The following RASGRF2 variants were observed in gnomAD, a reference collection of about 807,000 sequenced individuals.
The protein encoded by RASGRF2 is Ras protein specific guanine nucleotide releasing factor 2.
In RASGRF2, 76 loss-of-function variants were observed where a neutral mutation model predicts 151.0. The ratio of observed to expected loss-of-function variants is 0.50; its 90% CI spans 0.42 to 0.61. The LOEUF is 0.61. Ranked by LOEUF, RASGRF2 falls within the 20% of genes least tolerant of loss-of-function variation. The probability of loss-of-function intolerance (pLI) is 0.00; values close to 1 mark genes in which losing one functional copy is unlikely to be tolerated. For synonymous variants in RASGRF2, 504 were observed against 566.5 expected, an observed-to-expected ratio of 0.89 and a Z score of 1.57; for missense variants, 1,148 against 1,564.6, an observed-to-expected ratio of 0.73 and a Z score of 4.49.
chr5:81,084,208 C>T (rs1752163471), intron 7 of RASGRF2, among the ~76,000 whole-genome samples: 1 of 152,160 alleles, frequency 6.6e-6, no homozygotes, highest in Non-Finnish European at 1.5e-5. Flanking sequence ...ATTTTCAGTG[C>T]ATTATAAGTA....
intron 17 of RASGRF2, among the ~76,000 whole-genome samples, chr5:81,179,833 GC>G (rs1754871560): frequency 6.6e-6 from 1 of 152,300 alleles, no homozygotes; most frequent in East Asian, 1.9e-4. Context: ...ATAAATTAAT[GC>G]TGACTCAAAT....
intron 12 of RASGRF2, among the ~76,000 whole-genome samples, chr5:81,102,137 A>C (rs565025007): frequency 2.6e-5 from 4 of 152,242 alleles, no homozygotes; most frequent in Non-Finnish European, 5.9e-5. Flanking sequence ...AAGCCATAGC[A>C]GAAAGCTTGT....
In RASGRF2 at chr5:81,093,983, G is replaced by A. The variant is rs1752465956; in HGVS notation, c.1552-313G>A. ...GCTTAAGCCACTTCCTGGTTGGTGA[G>A]TTCAGCCCTTTGCTAAGGTGCATTA... On this transcript the variant is annotated intron_variant, in intron 10 of 26. Coordinates refer to ENST00000265080, the MANE Select transcript of RASGRF2 (RefSeq NM_006909.3). Among the ~76,000 whole-genome samples the A allele has an allele frequency of 2.6e-5, 4 of 152,014 alleles. No individual in the cohort carries two copies. The South Asian group carries it at 8.3e-4, about 31-fold the overall frequency.
chr5:81,136,942 A>G (rs1580350381), intron 17 of RASGRF2, among the ~76,000 whole-genome samples: 1 of 143,526 alleles, frequency 7.0e-6, no homozygotes, highest in Non-Finnish European at 1.5e-5. Flanking sequence ...GTGTTTTTTT[A>G]TGTCTAGCAT....
At chr5:80,990,359 A>G (rs1345133148) in intron 1 of RASGRF2, among the ~76,000 whole-genome samples, 1 of 151,936 alleles carries the variant, frequency 6.6e-6, no homozygotes, top group Non-Finnish European at 1.5e-5. Flanking sequence ...GCCCAATTTC[A>G]TGTCCAACCC....
intron 26 of RASGRF2, among the ~76,000 whole-genome samples, chr5:81,224,678 C>A (rs566033258): frequency 6.6e-6 from 1 of 152,194 alleles, no homozygotes; most frequent in Admixed American, 6.5e-5. Flanking sequence ...TATGGTATAT[C>A]TCTACAATGG....
chr5:81,033,788 A>T (rs138421725), intron 1 of RASGRF2, among the ~76,000 whole-genome samples: 12,366 of 152,300 alleles, frequency 0.081, 723 homozygotes, highest in East Asian at 0.16. Context: ...AAAAGCCAAA[A>T]TTGACAAATG....
rs571048407 is a variant in RASGRF2, at chr5:81,034,687, A to G, written c.289-8190A>G. On this transcript the variant is annotated intron_variant, in intron 1 of 26. Transcript: ENST00000265080. Reference sequence around the variant, plus strand: ...AATTGGAAATCATCATTCTCAGTAAACTATCGCAAGAACAAAAAACCAAAC... The same window carrying G: ...AATTGGAAATCATCATTCTCAGTAAGCTATCGCAAGAACAAAAAACCAAAC... Among the ~76,000 whole-genome samples the G allele has an allele frequency of 3.3e-5, 5 of 151,390 alleles. No individual in the cohort carries two copies. The East Asian group carries it at 9.7e-4, about 29-fold the overall frequency.
intron 23 of RASGRF2, among the ~76,000 whole-genome samples, chr5:81,213,774 G>T (rs1265667951): frequency 6.6e-6 from 1 of 151,896 alleles, no homozygotes; most frequent in African/African-American, 2.4e-5. Flanking sequence ...CCCAAATTTG[G>T]CCCCTTAGAA....
At chr5:81,113,218 T>C (rs1753050424) in intron 14 of RASGRF2, among the ~76,000 whole-genome samples, 1 of 150,778 alleles carries the variant, frequency 6.6e-6, no homozygotes, top group African/African-American at 2.4e-5. Flanking sequence ...GTGGGGAGGG[T>C]GTCTTGTTAA....
intron 1 of RASGRF2, among the ~76,000 whole-genome samples, chr5:81,020,523 G>A (rs1317158881): frequency 6.6e-6 from 1 of 152,160 alleles, no homozygotes; most frequent in Non-Finnish European, 1.5e-5. Flanking sequence ...AGGGCTTTCT[G>A]TGTGCCTGGC....
chr5:81,131,816 A>G (rs774795128), intron 17 of RASGRF2, among the ~76,000 whole-genome samples: 18 of 151,974 alleles, frequency 1.2e-4, no homozygotes, highest in Non-Finnish European at 1.8e-4. Context: ...TCAAAACTCG[A>G]GATTCGGATT....
At chr5:81,010,123 C>A (rs1389674621) in intron 1 of RASGRF2, among the ~76,000 whole-genome samples, 3 of 148,740 alleles carry the variant, frequency 2.0e-5, no homozygotes, top group African/African-American at 7.5e-5. Flanking sequence ...CACTGTACTC[C>A]AGCCTGAGTG....
intron 12 of RASGRF2, among the ~76,000 whole-genome samples, chr5:81,102,574 A>G (rs1752726004): frequency 6.6e-6 from 1 of 152,024 alleles, no homozygotes; most frequent in Non-Finnish European, 1.5e-5. Context: ...ACATGCCTGT[A>G]GTCCCAGCTA....
intron 1 of RASGRF2, among the ~76,000 whole-genome samples, chr5:81,021,869 G>A (rs920159371): frequency 5.9e-5 from 9 of 152,084 alleles, no homozygotes; most frequent in Non-Finnish European, 1.5e-5. Context: ...TTTTTAAAGG[G>A]TCTGGACAGG....
At chr5:81,195,428 T>C (rs1225146331) in intron 18 of RASGRF2, among the ~76,000 whole-genome samples, 10 of 152,250 alleles carry the variant, frequency 6.6e-5, no homozygotes, top group Admixed American at 5.2e-4. Context: ...TTTCTTTCTA[T>C]TGAGGAGCAG....
At chr5:81,123,233 G>T (rs573464387) in intron 15 of RASGRF2, among the ~76,000 whole-genome samples, 1 of 152,262 alleles carries the variant, frequency 6.6e-6, no homozygotes, top group South Asian at 2.1e-4. Context: ...AACTTTGGTT[G>T]GTTTAGGGGG....
At chr5:81,201,693 C>T (rs1371535463) in intron 19 of RASGRF2, among the ~76,000 whole-genome samples, 3 of 152,142 alleles carry the variant, frequency 2.0e-5, no homozygotes, top group Non-Finnish European at 4.4e-5. Flanking sequence ...CAGCGGTTTA[C>T]TATAGAACCA....
chr5:81,095,686 T>G (rs985959293), intron 12 of RASGRF2, among the ~76,000 whole-genome samples: 2 of 152,202 alleles, frequency 1.3e-5, no homozygotes, highest in African/African-American at 4.8e-5. Context: ...GATAATTATT[T>G]TCAAAGTTGT....
Sources: gnomAD v4.1 joint callset for allele counts (sites outside exome capture counted in the v4.1 genomes callset) on GRCh38, gnomAD v4.1.1 for gene constraint, MANE v1.5 for transcripts, NCBI Gene and HGNC (gene_info 2026-07-23, HGNC 2026-07-21) for gene names.